Variants in TPRG1L observed in about 807,000 individuals in gnomAD.
TPRG1L encodes tumor protein p63-regulated gene 1-like protein.
TPRG1L carries 25 observed loss-of-function variants against 29.4 expected under a neutral mutation model. That is an observed-to-expected ratio of 0.85 (90% CI 0.62 to 1.19). The LOEUF (loss-of-function observed/expected upper bound fraction) is 1.19, where lower values mean the gene tolerates loss of function less well. TPRG1L is among the 50% of genes most tolerant of loss of function. TPRG1L has a pLI of 0.00. For synonymous variants in TPRG1L, 182 were observed against 151.1 expected, an observed-to-expected ratio of 1.20 and a Z score of -1.50; for missense variants, 354 against 364.4, an observed-to-expected ratio of 0.97 and a Z score of 0.23.
rs953155561 is a variant in TPRG1L at position 3,630,091 on chromosome 1, T to C, written c.*1488T>C. ...TAAGAAGTGGATGGATGTTGTTCCT[T>C]TTTTGAAGTTGTCATTAAAGTAGGT... On this transcript the variant is annotated 3_prime_UTR_variant, in exon 5 of 5. Coordinates refer to ENST00000378344, the MANE Select transcript of TPRG1L (RefSeq NM_182752.4). The C allele has an allele frequency of 6.6e-6, 1 of 152,256 alleles. No individual in the cohort carries two copies. Among genetic ancestry groups the C allele is most frequent in the Non-Finnish European group, 1.5e-5 (1 of 68,052 alleles). 9.4% of individuals were successfully genotyped at this position (152,256 alleles called of 1,614,324 possible).
At position 3,628,817 on chromosome 1, in the gene TPRG1L, CAT is replaced by C. The variant is rs1644506498; in HGVS notation, c.*218_*219del. On this transcript the variant is annotated 3_prime_UTR_variant, in exon 5 of 5. Transcript: ENST00000378344. ...ATTTAATTGGATATTGGACTCTGCT[CAT>C]ATAAGCTACAGACAAAAGCCAAAAG... 2.2e-6 allele frequency: 1 copy of C among 450,038 alleles called. No individual in the cohort carries two copies. The highest frequency in any genetic ancestry group is 3.9e-6 in the Non-Finnish European group (1 of 254,902). 27.9% of individuals were successfully genotyped at this position (450,038 alleles called of 1,614,324 possible). A position where few individuals can be genotyped will look rare whatever the true frequency, so the allele number is the denominator to read the frequency against.
rs765253164 is a variant in TPRG1L at position 3,627,602 on chromosome 1, C to G, written c.573C>G (p.Phe191Leu). The G allele has an allele frequency of 1.9e-6, 3 of 1,614,002 alleles. No homozygotes were observed. The highest frequency in any genetic ancestry group is 2.2e-5 in the South Asian group (2 of 91,086). The change falls in exon 4 of 5, where the codon TTC becomes TTG. Residue 191 changes from phenylalanine to leucine, a missense_variant. Phe to Leu is a conservative substitution (Grantham distance 22). Coordinates refer to ENST00000378344, the MANE Select transcript of TPRG1L (RefSeq NM_182752.4). ...CTACCAACGTGCCCTATGCCACTTT[C>G]ACAGAACACCCGATGGCTGGCGCAG... ...PWSTNVPYAT[F>L]TEHPMAGADE... is the part of the protein sequence containing the mutation.
intron 4 of TPRG1L, among the ~76,000 whole-genome samples, chr1:3,628,044 A>G (rs1644501548): frequency 6.6e-6 from 1 of 152,252 alleles, no homozygotes; most frequent in South Asian, 2.1e-4. Context: ...AGCAGAGCCC[A>G]GAGCCCAGAG....
chr1:3,628,337 C>A, intron 4 of TPRG1L, 72 bp from the exon 5 acceptor site: 1 of 1,370,150 alleles, frequency 7.3e-7, no homozygotes, highest in Non-Finnish European at 1.0e-6. Context: ...TCTCAGAATG[C>A]TAATTTTTTC....
rs759399784 is a variant in TPRG1L at position 3,627,705 on chromosome 1, C to A, written c.624+52C>A. On this transcript the variant is annotated intron_variant, in intron 4 of 4. Coordinates refer to ENST00000378344, the MANE Select transcript of TPRG1L (RefSeq NM_182752.4). ...GCGCCCCCCGCAGTGATGGAAACAC[C>A]CCCCGCAGTCACGGAGACACTTCAG... 1.9e-6 allele frequency: 3 copies of A among 1,604,860 alleles called. No homozygotes were observed. In the Admixed American group the frequency reaches 5.0e-5, roughly 27 times the overall value.
At chr1:3,627,192 C>G (rs1375072391) in intron 3 of TPRG1L, among the ~76,000 whole-genome samples, 1 of 152,048 alleles carries the variant, frequency 6.6e-6, no homozygotes, top group Non-Finnish European at 1.5e-5. Flanking sequence ...TGCCTGTAAT[C>G]CCAGCTACTC....
At chr1:3,627,704 C>T (rs1214046572) in intron 4 of TPRG1L, 51 bp downstream of exon 4, 3 of 1,603,494 alleles carry the variant, frequency 1.9e-6, no homozygotes, top group African/African-American at 2.7e-5. Flanking sequence ...GATGGAAACA[C>T]CCCCCGCAGT....
rs1644506204 is a variant in TPRG1L, at chr1:3,628,745, C to T, written c.*142C>T. 3 of 732,096 alleles carry T rather than the reference C, an allele frequency of 4.1e-6. No individual in the cohort carries two copies. Among genetic ancestry groups the T allele is most frequent in the Admixed American group, 6.1e-5 (2 of 33,050 alleles). 45.4% of individuals were successfully genotyped at this position (732,096 alleles called of 1,614,324 possible). ...CTGCTGGAAGGATGGGGATCTTTCA[C>T]CTTTAGGGATCTCAGCACAATTAGA... On this transcript the variant is annotated 3_prime_UTR_variant, in exon 5 of 5. Coordinates refer to ENST00000378344, the MANE Select transcript of TPRG1L (RefSeq NM_182752.4).
rs759249151 is a variant in TPRG1L, at chr1:3,630,082, G to A, written c.*1479G>A. Reference sequence around the variant, plus strand: ...TAAAGACATTAAGAAGTGGATGGATGTTGTTCCTTTTTTGAAGTTGTCATT... The same window carrying A: ...TAAAGACATTAAGAAGTGGATGGATATTGTTCCTTTTTTGAAGTTGTCATT... On this transcript the variant is annotated 3_prime_UTR_variant, in exon 5 of 5. Transcript: ENST00000378344. 1.1e-4 allele frequency: 16 copies of A among 152,190 alleles called. No homozygotes were observed. Among genetic ancestry groups the A allele is most frequent in the Admixed American group, 6.5e-4 (10 of 15,286 alleles). The allele number at this position is 152,190 out of a possible 1,614,324, so 9.4% of individuals were successfully genotyped here.
In TPRG1L at chr1:3,627,042, G is replaced by A. The variant is rs4648539; in HGVS notation, c.471-458G>A. Among the ~76,000 whole-genome samples, 1,523 of 152,320 alleles carry A rather than the reference G, an allele frequency of 1.0e-2. 11 individuals carry two copies. The highest frequency in any genetic ancestry group is 0.027 in the Middle Eastern group (8 of 294). On this transcript the variant is annotated intron_variant, in intron 3 of 4. Coordinates refer to ENST00000378344, the MANE Select transcript of TPRG1L (RefSeq NM_182752.4). ...AAACCACAGGCCGGCCAGGCACGGTGGCTCACGCCTGTAATCCCAGCACCT... is the reference window on the plus strand; with the variant it reads ...AAACCACAGGCCGGCCAGGCACGGTAGCTCACGCCTGTAATCCCAGCACCT...
At chr1:3,628,290 G>C (rs771561500) in intron 4 of TPRG1L, 119 bp from the exon 5 acceptor site, 1 of 856,554 alleles carries the variant, frequency 1.2e-6, no homozygotes, top group Non-Finnish European at 1.8e-6. Context: ...CAAGTGAAGG[G>C]ACGAAGAGAT....
chr1:3,627,873 C>T (rs2101946639), intron 4 of TPRG1L, among the ~76,000 whole-genome samples: 1 of 152,358 alleles, frequency 6.6e-6, no homozygotes, highest in South Asian at 2.1e-4. Flanking sequence ...CGCATGTGGC[C>T]AGTGGCTGCT....
At position 3,627,626 on chromosome 1, in the gene TPRG1L, A is replaced by G. The variant is rs1446379344; in HGVS notation, c.597A>G (p.Ala199=). The G allele has an allele frequency of 6.2e-7, 1 of 1,613,916 alleles. No homozygotes were observed. The highest frequency in any genetic ancestry group is 1.3e-5 in the African/African-American group (1 of 74,950). ...ATFTEHPMAG[A]DEKTASLCQL... is the part of the protein sequence containing the mutation. ...TCACAGAACACCCGATGGCTGGCGC[A>G]GATGAGAAGACAGCATCTCTGTGTC... is the stretch of plus-strand genomic sequence containing the variant. The change falls in exon 4 of 5, where the codon GCA becomes GCG. Residue 199 remains alanine (A), a synonymous_variant. Transcript: ENST00000378344.
chr1:3,625,168 CG>C lies in TPRG1L; in HGVS notation c.102del (p.Arg35GlyfsTer101). The C allele has an allele frequency of 8.2e-7, 1 of 1,226,670 alleles. No individual in the cohort carries two copies. The allele number at this position is 1,226,670 out of a possible 1,614,324, so 76.0% of individuals were successfully genotyped here. A position where few individuals can be genotyped will look rare whatever the true frequency, so the allele number is the denominator to read the frequency against. The stretch of plus-strand genomic sequence containing the variant: ...AGGTGGGGGCAGGCGGCGGCCCGGG[CG>C]GGGGGCGGCCGGGGGCGGGGACGCC... Reference protein sequence around the residue: ...EEVGAGGGPGGGRPGAGTPLR... With the variant: ...EEVGAGGGPGXGRPGAGTPLR... On this transcript the variant is annotated frameshift_variant, in exon 1 of 5. Transcript: ENST00000378344. LOFTEE classifies it high-confidence loss of function.
rs369903700 is a variant in TPRG1L, at chr1:3,625,880, C to T, written c.461C>T (p.Ser154Leu). Residue 154 changes from serine to leucine, a missense_variant, in exon 3 of 5, where the codon TCG becomes TTG. Coordinates refer to ENST00000378344, the MANE Select transcript of TPRG1L (RefSeq NM_182752.4). ...GGAGAATTCCAGTTTCCCCCTAAAT[C>T]GCTCAACAAGTAAGCCTGTTCAGAG... Reference protein sequence around the residue: ...SYGEFQFPPKSLNKREGFGIR... With the variant: ...SYGEFQFPPKLLNKREGFGIR... 5 of 1,610,734 alleles carry T rather than the reference C, an allele frequency of 3.1e-6. No individual in the cohort carries two copies. The highest frequency in any genetic ancestry group is 3.4e-6 in the Non-Finnish European group (4 of 1,179,320).
At position 3,625,957 on chromosome 1, in the gene TPRG1L, T is replaced by C. The variant is rs922859854; in HGVS notation, c.470+68T>C. On this transcript the variant is annotated intron_variant, in intron 3 of 4. Coordinates refer to ENST00000378344, the MANE Select transcript of TPRG1L (RefSeq NM_182752.4). ...GAGTGGACCTTACAATTCAGCCCTT[T>C]TAAATCAGCCCCCCAAGCGGTGTGT... The C allele has an allele frequency of 6.9e-6, 10 of 1,445,666 alleles. No individual in the cohort carries two copies. In the African/African-American group the frequency reaches 1.3e-4, roughly 18 times the overall value. 89.6% of individuals were successfully genotyped at this position (1,445,666 alleles called of 1,614,324 possible). A position where few individuals can be genotyped will look rare whatever the true frequency, so the allele number is the denominator to read the frequency against.
rs1644505354 is a variant in TPRG1L at position 3,628,619 on chromosome 1, AGCTCCTCCCCCT to A, written c.*17_*28del. On this transcript the variant is annotated 3_prime_UTR_variant, in exon 5 of 5. Coordinates refer to ENST00000378344, the MANE Select transcript of TPRG1L (RefSeq NM_182752.4). ...AGGCTTTTAGCCGCTGCGTTCTGGG[AGCTCCTCCCCCT>A]TCTGGGAGCTCCTCCCCCTCCCCAG... 1 of 44,612 alleles carries A rather than the reference AGCTCCTCCCCCT, an allele frequency of 2.2e-5. No individual in the cohort carries two copies. Among genetic ancestry groups the A allele is most frequent in the South Asian group, 1.2e-3 (1 of 856 alleles). 2.8% of individuals were successfully genotyped at this position (44,612 alleles called of 1,614,324 possible).
intron 2 of TPRG1L, 24 bp downstream of exon 2, chr1:3,625,539 TG>T (rs1299480162): frequency 6.3e-7 from 1 of 1,578,400 alleles, no homozygotes; most frequent in East Asian, 2.3e-5. Context: ...GCGCTCTCCT[TG>T]GTGGGGGGAC....
intron 1 of TPRG1L, 71 bp downstream of exon 1, chr1:3,625,344 G>GCGGGCGC (rs1644476064): frequency 6.5e-7 from 1 of 1,533,354 alleles, no homozygotes; most frequent in African/African-American, 1.4e-5. Flanking sequence ...GGGGTCGGAG[G>GCGGGCGC]CGGGCGCCGG....
Sources: gnomAD v4.1 joint callset for allele counts (sites outside exome capture counted in the v4.1 genomes callset) on GRCh38, gnomAD v4.1.1 for gene constraint, MANE v1.5 for transcripts, NCBI Gene and HGNC (gene_info 2026-07-23, HGNC 2026-07-21) for gene names.